MID1: variants seen among roughly 807,000 people sequenced by gnomAD.
MID1 encodes E3 ubiquitin-protein ligase Midline-1.
Under a neutral mutation model 40.4 loss-of-function variants are expected in MID1, and 7 were observed. The observed-to-expected ratio is 0.17, with a 90% CI of 0.10 to 0.33. The LOEUF is 0.33. Ranked by LOEUF, MID1 falls within the 10% of genes least tolerant of loss-of-function variation. The pLI, the probability that MID1 is intolerant of heterozygous loss-of-function variation, is 1.00. For missense variants in MID1, 367 were observed against 558.5 expected, an observed-to-expected ratio of 0.66 and a Z score of 3.46; for synonymous variants, 229 against 221.2, an observed-to-expected ratio of 1.04 and a Z score of -0.31.
At chrX:10,486,041 T>C (rs1323652453) in intron 4 of MID1, among the ~76,000 whole-genome samples, 2 of 111,671 alleles carry the variant, frequency 1.8e-5, no homozygotes, top group Non-Finnish European at 3.8e-5. Context: ...CCCCGACTAC[T>C]GAAAAAAAGA....
chrX:10,462,594 C>T (rs1929112757), intron 7 of MID1, among the ~76,000 whole-genome samples: 2 of 112,101 alleles, frequency 1.8e-5, no homozygotes, highest in Admixed American at 9.5e-5. Flanking sequence ...AAAATAACAA[C>T]GGAGCTTGGA....
intron 5 of MID1, among the ~76,000 whole-genome samples, chrX:10,478,242 T>C (rs1435289192): frequency 8.9e-6 from 1 of 112,317 alleles, no homozygotes; most frequent in African/African-American, 3.2e-5. Flanking sequence ...GCTATAAAGG[T>C]GCATATACAA....
chrX:10,576,768 C>T (rs1934881193), intron 1 of MID1: 1 of 111,180 alleles, frequency 9.0e-6, no homozygotes, highest in Non-Finnish European at 1.9e-5. Flanking sequence ...ACAAAGAGAT[C>T]ACCTTGAATA....
chrX:10,504,405 A>G (rs1286532909), intron 3 of MID1, among the ~76,000 whole-genome samples: 1 of 111,351 alleles, frequency 9.0e-6, no homozygotes, highest in Non-Finnish European at 1.9e-5. Flanking sequence ...GAAAACATGA[A>G]AAGCCCTTGA....
intron 1 of MID1, among the ~76,000 whole-genome samples, chrX:10,716,231 C>T (rs1490085743): frequency 4.5e-5 from 5 of 111,818 alleles, no homozygotes; most frequent in South Asian, 3.7e-4. Context: ...AGGCTTCAGA[C>T]GATCAGACTA....
At chrX:10,724,587 C>T (rs184150113) in intron 1 of MID1, among the ~76,000 whole-genome samples, 10 of 112,124 alleles carry the variant, frequency 8.9e-5, no homozygotes, top group Non-Finnish European at 1.9e-4. Context: ...AGATCTTTCC[C>T]AACCGGAAAA....
intron 3 of MID1, among the ~76,000 whole-genome samples, chrX:10,499,165 G>A (rs1302829772): frequency 8.9e-6 from 1 of 111,757 alleles, no homozygotes; most frequent in East Asian, 2.8e-4. Flanking sequence ...GTATTTCATT[G>A]TGGTTTTGAC....
intron 1 of MID1, among the ~76,000 whole-genome samples, chrX:10,723,316 C>T (rs1027439460): frequency 8.9e-6 from 1 of 111,778 alleles, no homozygotes; most frequent in Non-Finnish European, 1.9e-5. Context: ...TTGTAGAGCT[C>T]CCCTCTTGCA....
chrX:10,577,209 A>C, intron 1 of MID1, among the ~76,000 whole-genome samples: 1 of 111,807 alleles, frequency 8.9e-6, no homozygotes. Context: ...TGGCCGAATG[A>C]GACACTGTCC....
chrX:10,484,139 C>T (rs967985789), intron 4 of MID1, among the ~76,000 whole-genome samples: 8 of 111,313 alleles, frequency 7.2e-5, no homozygotes, highest in Non-Finnish European at 1.3e-4. Context: ...ATCCAGTACG[C>T]GCAGGATATT....
intron 1 of MID1, among the ~76,000 whole-genome samples, chrX:10,768,094 A>G (rs2043743314): frequency 8.9e-6 from 1 of 111,862 alleles, no homozygotes; most frequent in South Asian, 3.7e-4. Context: ...TTGAATTTAA[A>G]TTGTTCAGTT....
chrX:10,516,560 T>TGTGTGTGTG (rs1932427244), intron 3 of MID1, among the ~76,000 whole-genome samples: 9 of 73,365 alleles, frequency 1.2e-4, no homozygotes, highest in Non-Finnish European at 2.0e-4. Context: ...TACTCTGCTC[T>TGTGTGTGTG]TGTGTGTGTG....
intron 1 of MID1, among the ~76,000 whole-genome samples, chrX:10,722,436 G>A (rs978998103): frequency 1.3e-4 from 14 of 111,800 alleles, no homozygotes; most frequent in Admixed American, 5.7e-4. Context: ...CATTCCAGTG[G>A]GGGAAAGCAA....
intron 1 of MID1, among the ~76,000 whole-genome samples, chrX:10,581,567 T>C (rs1935020655): frequency 8.9e-6 from 1 of 111,947 alleles, no homozygotes; most frequent in South Asian, 3.8e-4. Flanking sequence ...TCCCTTCTTG[T>C]CCTGAATCGC....
chrX:10,670,477 T>C (rs554761204), intron 1 of MID1, among the ~76,000 whole-genome samples: 1 of 112,036 alleles, frequency 8.9e-6, no homozygotes, highest in Admixed American at 9.5e-5. Context: ...TGGCATGATT[T>C]TCTTTTAAAG....
intron 2 of MID1, among the ~76,000 whole-genome samples, chrX:10,560,669 G>A (rs1462544927): frequency 9.0e-6 from 1 of 110,984 alleles, no homozygotes; most frequent in Non-Finnish European, 1.9e-5. Flanking sequence ...TACAAGGGAC[G>A]TGAAGGACCT....
chrX:10,552,047 C>T (rs1207352237), intron 2 of MID1, among the ~76,000 whole-genome samples: 1 of 110,802 alleles, frequency 9.0e-6, no homozygotes, highest in Non-Finnish European at 1.9e-5. Flanking sequence ...GCCTCAGCCT[C>T]CCAAAGTTCT....
chrX:10,623,520 T>C (rs1833085), upstream of MID1, among the ~76,000 whole-genome samples: 8 of 111,705 alleles, frequency 7.2e-5, no homozygotes, highest in Non-Finnish European at 1.5e-4. Flanking sequence ...ATGTGCGGGT[T>C]TGGTTATTAA....
At chrX:10,722,614 AGTTTATGGAT>A (rs1362935612) in intron 1 of MID1, among the ~76,000 whole-genome samples, 1 of 111,941 alleles carries the variant, frequency 8.9e-6, no homozygotes, top group Non-Finnish European at 1.9e-5. Context: ...ATCACAGACT[AGTTTATGGAT>A]GTGTGTGTTT....
Sources: allele counts gnomAD v4.1 joint callset (sites outside exome capture counted in the v4.1 genomes callset), GRCh38; gene constraint gnomAD v4.1.1; transcripts MANE v1.5; gene names NCBI Gene and HGNC (gene_info 2026-07-23, HGNC 2026-07-21).